GRIP1: variants seen among roughly 807,000 people sequenced by gnomAD.
The protein encoded by GRIP1 is glutamate receptor-interacting protein 1.
A neutral mutation model predicts 129.9 loss-of-function variants in GRIP1; 45 were observed. The observed-to-expected ratio is 0.35, with a 90% CI of 0.27 to 0.44. The LOEUF (loss-of-function observed/expected upper bound fraction) is 0.44, where lower values mean the gene tolerates loss of function less well. GRIP1 is among the 20% of genes least tolerant of loss of function. The probability of loss-of-function intolerance (pLI) is 1.00; values close to 1 mark genes in which losing one functional copy is unlikely to be tolerated. For missense variants in GRIP1, 1,196 were observed against 1,396.8 expected (o/e 0.86, Z 2.29); for synonymous variants, 530 against 520.8 (o/e 1.02, Z -0.24).
intron 15 of GRIP1, among the ~76,000 whole-genome samples, chr12:66,414,094 C>A (rs1302302130): frequency 2.0e-5 from 3 of 151,952 alleles, no homozygotes; most frequent in Non-Finnish European, 4.4e-5. Flanking sequence ...GAAGTTCTGA[C>A]CAGGGCAATC....
At chr12:66,891,448 A>C (rs1208843235) in intron 1 of GRIP1, among the ~76,000 whole-genome samples, 10 of 152,198 alleles carry the variant, frequency 6.6e-5, no homozygotes, top group Admixed American at 6.5e-4. Flanking sequence ...GCAGTCAGGA[A>C]GTAACAAGAA....
At chr12:66,938,755 A>G (rs900374427) in intron 1 of GRIP1, among the ~76,000 whole-genome samples, 7 of 152,026 alleles carry the variant, frequency 4.6e-5, no homozygotes, top group Non-Finnish European at 1.0e-4. Flanking sequence ...TCAGGAGATC[A>G]AGACCATCCT....
chr12:66,876,690 T>C (rs532273208), intron 1 of GRIP1, among the ~76,000 whole-genome samples: 1 of 152,064 alleles, frequency 6.6e-6, no homozygotes, highest in African/African-American at 2.4e-5. Context: ...AGGATAGAGA[T>C]GCACAACTGG....
At chr12:66,648,285 T>A (rs1342033353) in intron 1 of GRIP1, among the ~76,000 whole-genome samples, 1 of 152,244 alleles carries the variant, frequency 6.6e-6, no homozygotes, top group Non-Finnish European at 1.5e-5. Flanking sequence ...GGAAGGGCCG[T>A]GGTATGCAGT....
chr12:67,003,102 G>C (rs1471360036), intron 1 of GRIP1, among the ~76,000 whole-genome samples: 5 of 151,718 alleles, frequency 3.3e-5, no homozygotes, highest in Admixed American at 1.3e-4. Context: ...TCCTAAACAT[G>C]CAACTTAAAA....
chr12:66,377,258 C>G lies in GRIP1; in HGVS notation c.2649G>C (p.Glu883Asp). 1.9e-6 allele frequency: 3 copies of G among 1,613,454 alleles called. No individual in the cohort carries two copies. Among genetic ancestry groups the G allele is most frequent in the Non-Finnish European group, 2.5e-6 (3 of 1,179,380 alleles). ...ACCAGAAGTTCTCCTCTTGTTCTGT[C>G]TCTGCACTATCGGCAGCCCCTGCAA... is the stretch of plus-strand genomic sequence containing the variant. The part of the protein sequence containing the change: ...SGFAGAADSA[E>D]TEQEENFWSQ... Residue 883 changes from glutamate to aspartate, a missense_variant, in exon 21 of 25, where the codon GAG (glutamate) becomes GAC (aspartate). Physicochemically the swap from Glu to Asp is conservative, Grantham distance 45. Coordinates refer to ENST00000359742, the MANE Select transcript of GRIP1 (RefSeq NM_001366722.1).
intron 1 of GRIP1, among the ~76,000 whole-genome samples, chr12:66,892,620 T>A (rs974474881): frequency 1.3e-5 from 2 of 152,154 alleles, no homozygotes; most frequent in African/African-American, 4.8e-5. Flanking sequence ...ATTTTTGCTA[T>A]GAAATGTTAT....
At chr12:66,446,015 T>C (rs879877564) in intron 11 of GRIP1, among the ~76,000 whole-genome samples, 1 of 152,054 alleles carries the variant, frequency 6.6e-6, no homozygotes, top group Non-Finnish European at 1.5e-5. Context: ...CCTGGCGTGG[T>C]GAGGCTGTGC....
At chr12:66,493,985 G>A (rs1174001931) in intron 7 of GRIP1, among the ~76,000 whole-genome samples, 1 of 151,978 alleles carries the variant, frequency 6.6e-6, no homozygotes, top group Non-Finnish European at 1.5e-5. Flanking sequence ...GATGCCTCTG[G>A]GTATATGTAA....
chr12:66,388,679 A>G (rs1364362084), intron 19 of GRIP1, among the ~76,000 whole-genome samples: 2 of 152,262 alleles, frequency 1.3e-5, no homozygotes, highest in Non-Finnish European at 2.9e-5. Context: ...TCAGCCACAC[A>G]GTGGAACTGA....
intron 1 of GRIP1, among the ~76,000 whole-genome samples, chr12:66,671,349 C>T (rs1419499716): frequency 6.6e-6 from 1 of 152,194 alleles, no homozygotes; most frequent in Non-Finnish European, 1.5e-5. Flanking sequence ...CGTGGTCTCA[C>T]ACTCACACTG....
chr12:66,598,981 C>A (rs1258566792), intron 1 of GRIP1, among the ~76,000 whole-genome samples: 1 of 138,426 alleles, frequency 7.2e-6, no homozygotes, highest in Admixed American at 7.0e-5. Flanking sequence ...TAGAAATGTA[C>A]CCAGTTTGCA....
At chr12:67,063,226 G>A (rs1393631478) in intron 1 of GRIP1, among the ~76,000 whole-genome samples, 1 of 152,240 alleles carries the variant, frequency 6.6e-6, no homozygotes, top group Middle Eastern at 3.4e-3. Flanking sequence ...CTACTGTGCT[G>A]GCACTTAAGG....
rs144697989 is a variant in GRIP1 at position 66,440,914 on chromosome 12, A to G, written c.1687+3670T>C. Among the ~76,000 whole-genome samples, 8 of 152,372 alleles carry G rather than the reference A, an allele frequency of 5.3e-5. No homozygotes were observed. In the East Asian group the frequency reaches 1.5e-3, roughly 29 times the overall value. On this transcript the variant is annotated intron_variant, in intron 13 of 24. Coordinates refer to ENST00000359742, the MANE Select transcript of GRIP1 (RefSeq NM_001366722.1). ...TAATACAATATAAAATAGAGCAACA[A>G]GCACATAAGTAAATGCAGAAGTTCT...
intron 1 of GRIP1, among the ~76,000 whole-genome samples, chr12:66,902,728 A>G (rs757036718): frequency 6.6e-6 from 1 of 152,226 alleles, no homozygotes; most frequent in Non-Finnish European, 1.5e-5. Context: ...TCACTTAGAC[A>G]TCATTTAATA....
chr12:66,374,477 C>T lies in GRIP1; in HGVS notation c.2778+2540G>A, dbSNP rs894539110. Reference sequence around the variant, plus strand: ...TGCTGGGATTACAGGCCTGAGGCACCGCACCTGCCCCATTTCTATGTTTAA... The same window carrying T: ...TGCTGGGATTACAGGCCTGAGGCACTGCACCTGCCCCATTTCTATGTTTAA... On this transcript the variant is annotated intron_variant, in intron 22 of 24. Transcript: ENST00000359742. Among the ~76,000 whole-genome samples the T allele has an allele frequency of 2.4e-4, 37 of 152,254 alleles. No individual in the cohort carries two copies. The East Asian group carries it at 3.5e-3, about 14-fold the overall frequency.
chr12:66,771,526 T>C (rs2037818068), intron 1 of GRIP1, among the ~76,000 whole-genome samples: 1 of 152,186 alleles, frequency 6.6e-6, no homozygotes, highest in African/African-American at 2.4e-5. Flanking sequence ...GGGTATATGT[T>C]AAGGCTGAAT....
At chr12:66,664,888 C>T (rs192939550) in intron 1 of GRIP1, among the ~76,000 whole-genome samples, 1 of 152,030 alleles carries the variant, frequency 6.6e-6, no homozygotes, top group East Asian at 1.9e-4. Flanking sequence ...AAGTTTTCTT[C>T]CTCCATTCTT....
chr12:66,596,182 T>C (rs1015855661), intron 2 of GRIP1, among the ~76,000 whole-genome samples: 3 of 152,258 alleles, frequency 2.0e-5, no homozygotes, highest in African/African-American at 4.8e-5. Context: ...ATTGTTTGAA[T>C]AGCATTTTGA....
Sources: allele counts gnomAD v4.1 joint callset (sites outside exome capture counted in the v4.1 genomes callset), GRCh38; gene constraint gnomAD v4.1.1; transcripts MANE v1.5; gene names NCBI Gene and HGNC (gene_info 2026-07-23, HGNC 2026-07-21).